The following LEKR1 variants were observed in gnomAD, a reference collection of about 807,000 sequenced individuals.
The protein encoded by LEKR1 is protein LEKR1.
LEKR1 carries 59 observed loss-of-function variants against 72.4 expected under a neutral mutation model. That is an observed-to-expected ratio of 0.82 (90% CI 0.66 to 1.01). The LOEUF (loss-of-function observed/expected upper bound fraction) is 1.01, where lower values mean the gene tolerates loss of function less well. LEKR1 is among the 50% of genes least tolerant of loss of function. The pLI is 0.00. For missense variants in LEKR1, 728 were observed against 759.2 expected (o/e 0.96, Z 0.48); for synonymous variants, 257 against 263.2 (o/e 0.98, Z 0.23).
At chr3:156,900,040 A>C (rs1449366920) in intron 3 of LEKR1, among the ~76,000 whole-genome samples, 1 of 152,150 alleles carries the variant, frequency 6.6e-6, no homozygotes, top group African/African-American at 2.4e-5. Context: ...CAAATTTTTG[A>C]ATTAGGTAGT....
chr3:156,931,047 G>T (rs537798628), intron 5 of LEKR1, among the ~76,000 whole-genome samples: 1 of 152,204 alleles, frequency 6.6e-6, no homozygotes, highest in East Asian at 1.9e-4. Flanking sequence ...ATAAAAGAAT[G>T]AAAATTGGTG....
Position 156,895,621 on chromosome 3 carries a change from C to A in LEKR1, c.264-24954C>A, listed in dbSNP as rs578193304. Among the ~76,000 whole-genome samples the A allele has an allele frequency of 9.9e-5, 15 of 151,380 alleles. No homozygotes were observed. In the South Asian group the frequency reaches 2.5e-3, roughly 25 times the overall value. On this transcript the variant is annotated intron_variant, in intron 3 of 12. Transcript: ENST00000356539. The stretch of plus-strand genomic sequence containing the variant: ...GGGAGACCTTGTCTCAAAAAAAAAA[C>A]AAAAACAGAAACAAAAAACAAATAA...
chr3:156,984,831 T>C (rs1341925535), intron 7 of LEKR1, among the ~76,000 whole-genome samples: 1 of 152,064 alleles, frequency 6.6e-6, no homozygotes, highest in Non-Finnish European at 1.5e-5. Context: ...ATTTGAACAA[T>C]AGTAAACTTT....
chr3:156,925,240 T>C (rs1305781441), intron 4 of LEKR1: 1 of 152,018 alleles, frequency 6.6e-6, no homozygotes, highest in South Asian at 2.1e-4. Context: ...GAAATAAAAT[T>C]GATTTTTGTA....
chr3:156,936,531 A>G (rs1473915194), intron 5 of LEKR1, among the ~76,000 whole-genome samples: 2 of 152,000 alleles, frequency 1.3e-5, no homozygotes, highest in African/African-American at 4.8e-5. Flanking sequence ...TTTTTATTCT[A>G]AAGTCTATGT....
intron 3 of LEKR1, among the ~76,000 whole-genome samples, chr3:156,905,247 A>G (rs1560069162): frequency 6.6e-6 from 1 of 152,226 alleles, no homozygotes; most frequent in Non-Finnish European, 1.5e-5. Flanking sequence ...GAGTCAAGCT[A>G]TAAAGGAGTA....
At chr3:156,991,170 T>C (rs1463121281) in intron 7 of LEKR1, among the ~76,000 whole-genome samples, 5 of 152,142 alleles carry the variant, frequency 3.3e-5, no homozygotes, top group Non-Finnish European at 4.4e-5. Context: ...TACAATATTA[T>C]TCATGAGAAT....
chr3:157,000,510 A>G (rs886961261), intron 9 of LEKR1, among the ~76,000 whole-genome samples: 8 of 152,146 alleles, frequency 5.3e-5, no homozygotes, highest in Non-Finnish European at 1.0e-4. Flanking sequence ...TCTTTTCCCT[A>G]TCTGTAACGT....
intron 6 of LEKR1, among the ~76,000 whole-genome samples, chr3:156,977,078 C>G (rs1262499638): frequency 6.6e-6 from 1 of 152,194 alleles, no homozygotes; most frequent in South Asian, 2.1e-4. Context: ...TGGAGAGCCT[C>G]TCCAGAGCTG....
chr3:156,865,736 G>C (rs1300346644), intron 3 of LEKR1, among the ~76,000 whole-genome samples: 1 of 151,916 alleles, frequency 6.6e-6, no homozygotes, highest in East Asian at 1.9e-4. Context: ...CTTCTCTATG[G>C]TCTGAGAGTC....
intron 6 of LEKR1, among the ~76,000 whole-genome samples, chr3:156,948,911 A>T (rs1266377859): frequency 2.0e-5 from 3 of 151,434 alleles, no homozygotes; most frequent in African/African-American, 7.3e-5. Context: ...TTTCTGTAAT[A>T]ATCAGTGATA....
chr3:157,011,386 C>T, intron 9 of LEKR1, 27 bp from the exon 10 acceptor site: 1 of 1,504,448 alleles, frequency 6.6e-7, no homozygotes, highest in African/African-American at 1.4e-5. Context: ...TAAGTATTGA[C>T]TCATTTGTCG....
At chr3:157,018,059 G>A (rs1442638028) in intron 10 of LEKR1, among the ~76,000 whole-genome samples, 3 of 151,802 alleles carry the variant, frequency 2.0e-5, no homozygotes, top group Non-Finnish European at 4.4e-5. Context: ...AGGATTAAAG[G>A]AAGATATTTA....
chr3:156,972,630 T>C (rs1254161702), intron 6 of LEKR1, among the ~76,000 whole-genome samples: 2 of 151,566 alleles, frequency 1.3e-5, no homozygotes, highest in Non-Finnish European at 2.9e-5. Flanking sequence ...TAAGGACAAA[T>C]TTATATGTAA....
At chr3:156,985,915 C>G (rs779555468) in intron 7 of LEKR1, among the ~76,000 whole-genome samples, 1 of 150,846 alleles carries the variant, frequency 6.6e-6, no homozygotes, top group Non-Finnish European at 1.5e-5. Context: ...CTAATATAAT[C>G]ACGAGGATCC....
intron 12 of LEKR1, among the ~76,000 whole-genome samples, chr3:157,042,693 T>C (rs1459380279): frequency 6.6e-6 from 1 of 152,238 alleles, no homozygotes; most frequent in Non-Finnish European, 1.5e-5. Context: ...ATTTTTCTTT[T>C]AAGAAGAGCT....
At chr3:156,880,129 G>A (rs1364106867) in intron 3 of LEKR1, among the ~76,000 whole-genome samples, 1 of 152,188 alleles carries the variant, frequency 6.6e-6, no homozygotes, top group African/African-American at 2.4e-5. Context: ...CTTGCACTGT[G>A]CACTTGAAAA....
chr3:156,976,524 T>A (rs924601164), intron 6 of LEKR1, among the ~76,000 whole-genome samples: 6 of 152,006 alleles, frequency 3.9e-5, no homozygotes, highest in Non-Finnish European at 7.4e-5. Flanking sequence ...ATAATATATA[T>A]TTAAGCTTTC....
chr3:156,970,588 A>C (rs1279162749), intron 6 of LEKR1, among the ~76,000 whole-genome samples: 2 of 152,218 alleles, frequency 1.3e-5, no homozygotes, highest in Non-Finnish European at 2.9e-5. Context: ...GTGTATCTAG[A>C]AAACCCCATT....
Sources: gnomAD v4.1 joint callset for allele counts (sites outside exome capture counted in the v4.1 genomes callset) on GRCh38, gnomAD v4.1.1 for gene constraint, MANE v1.5 for transcripts, NCBI Gene and HGNC (gene_info 2026-07-23, HGNC 2026-07-21) for gene names.